The following UBE2V2 variants were observed in gnomAD, a reference collection of about 807,000 sequenced individuals.
The protein encoded by UBE2V2 is ubiquitin conjugating enzyme E2 V2, also known as ubiquitin-conjugating enzyme E2 variant 2.
A neutral mutation model predicts 17.2 loss-of-function variants in UBE2V2; 9 were observed. That is an observed-to-expected ratio of 0.52 (90% CI 0.32 to 0.91). UBE2V2 has a LOEUF of 0.91. Ranked by LOEUF, UBE2V2 falls within the 40% of genes least tolerant of loss-of-function variation. The pLI is 0.04. For synonymous variants in UBE2V2, 61 were observed against 57.5 expected (o/e 1.06, Z -0.28); for missense variants, 133 against 182.6 (o/e 0.73, Z 1.56).
the UBE2V2 span, among the ~76,000 whole-genome samples, chr8:47,997,659 G>A: frequency 6.6e-6 from 1 of 152,050 alleles, no homozygotes; most frequent in East Asian, 1.9e-4. Context: ...AGAGGGAAAA[G>A]GGGACGTGGA....
In UBE2V2 at chr8:48,064,327, C is replaced by G. The variant is rs996045187; in HGVS notation, c.*3499C>G. On this transcript the variant is annotated 3_prime_UTR_variant, in exon 4 of 4. Coordinates refer to ENST00000523111, the MANE Select transcript of UBE2V2 (RefSeq NM_003350.3). Reference sequence around the variant, plus strand: ...CTTGACTGGCTTTTAATTATTGTCACACACACACAAAATTCAACTCCTCAA... The same window carrying G: ...CTTGACTGGCTTTTAATTATTGTCAGACACACACAAAATTCAACTCCTCAA... 2 of 152,036 alleles carry G rather than the reference C, an allele frequency of 1.3e-5. No individual in the cohort carries two copies. Among genetic ancestry groups the G allele is most frequent in the African/African-American group, 4.8e-5 (2 of 41,386 alleles). The allele number at this position is 152,036 out of a possible 1,614,324, so 9.4% of individuals were successfully genotyped here.
At chr8:48,024,812 T>TA (rs900727124) in intron 1 of UBE2V2, among the ~76,000 whole-genome samples, 29 of 152,130 alleles carry the variant, frequency 1.9e-4, no homozygotes, top group Admixed American at 4.6e-4. Context: ...TTGAAATGAG[T>TA]AACAAAAATT....
At chr8:48,008,208 C>G (rs2091198322), upstream of UBE2V2, among the ~76,000 whole-genome samples, 1 of 152,214 alleles carries the variant, frequency 6.6e-6, no homozygotes, top group South Asian at 2.1e-4. Flanking sequence ...AGACGTGAGC[C>G]ACCGCGCCCG....
chr8:48,049,580 G>A (rs919895355), intron 2 of UBE2V2: 9 of 218,546 alleles, frequency 4.1e-5, no homozygotes, highest in Admixed American at 2.8e-4. Flanking sequence ...TATCACAAAA[G>A]CAACTTGGGA....
chr8:48,013,320 T>A (rs903205530), intron 1 of UBE2V2, among the ~76,000 whole-genome samples: 1 of 151,742 alleles, frequency 6.6e-6, no homozygotes, highest in Non-Finnish European at 1.5e-5. Flanking sequence ...CTTTTTTTTT[T>A]TTTTTGAGAT....
At chr8:48,041,194 CAG>C (rs1324375842) in intron 1 of UBE2V2, among the ~76,000 whole-genome samples, 2 of 135,654 alleles carry the variant, frequency 1.5e-5, no homozygotes, top group East Asian at 2.3e-4. Flanking sequence ...TTTTTTAAGA[CAG>C]AGTCTCGCTC....
At chr8:48,017,530 T>C (rs1016804889) in intron 1 of UBE2V2, among the ~76,000 whole-genome samples, 2 of 152,064 alleles carry the variant, frequency 1.3e-5, no homozygotes, top group Non-Finnish European at 2.9e-5. Context: ...TGTGCCACCA[T>C]GCACTGCTAA....
the UBE2V2 span, among the ~76,000 whole-genome samples, chr8:48,002,840 G>T: frequency 6.6e-6 from 1 of 152,134 alleles, no homozygotes; most frequent in African/African-American, 2.4e-5. Flanking sequence ...GATACGTATG[G>T]TAATGCATAT....
intron 3 of UBE2V2, among the ~76,000 whole-genome samples, chr8:48,060,152 GT>G (rs1198817289): frequency 1.4e-5 from 2 of 143,584 alleles, no homozygotes; most frequent in African/African-American, 5.3e-5. Flanking sequence ...GGAAGTTGCA[GT>G]GAGCCAGGAT....
intron 1 of UBE2V2, among the ~76,000 whole-genome samples, chr8:48,017,561 C>T (rs565521587): frequency 6.6e-5 from 10 of 151,920 alleles, no homozygotes; most frequent in East Asian, 1.9e-4. Context: ...TTAGTAGAGA[C>T]GGGATTTCTC....
chr8:48,049,725 A>T, intron 2 of UBE2V2, 128 bp from the exon 3 acceptor site: 1 of 789,864 alleles, frequency 1.3e-6, no homozygotes, highest in Non-Finnish European at 1.9e-6. Context: ...GTAGAAAAAT[A>T]AATTCTTAAT....
intron 1 of UBE2V2, among the ~76,000 whole-genome samples, chr8:48,017,832 G>A (rs2091280472): frequency 6.9e-6 from 1 of 144,278 alleles, no homozygotes; most frequent in African/African-American, 2.5e-5. Flanking sequence ...TTTTCTAGTA[G>A]TTTCATAGAT....
intron 1 of UBE2V2, among the ~76,000 whole-genome samples, chr8:48,025,903 G>T (rs1055777088): frequency 4.6e-5 from 7 of 152,056 alleles, no homozygotes; most frequent in Admixed American, 4.6e-4. Context: ...CCGGGCTCTG[G>T]ATTTTCTATC....
intron 3 of UBE2V2, among the ~76,000 whole-genome samples, chr8:48,051,588 G>A (rs2091538885): frequency 6.6e-6 from 1 of 152,102 alleles, no homozygotes. Flanking sequence ...TTTGTTCTAT[G>A]ATTCTTCCTT....
At chr8:48,028,716 C>T (rs1304565339) in intron 1 of UBE2V2, among the ~76,000 whole-genome samples, 2 of 152,094 alleles carry the variant, frequency 1.3e-5, no homozygotes, top group Non-Finnish European at 2.9e-5. Flanking sequence ...AAACTCCTGA[C>T]CTCAAGTGAT....
At chr8:48,026,311 C>T (rs1314582254) in intron 1 of UBE2V2, among the ~76,000 whole-genome samples, 1 of 152,144 alleles carries the variant, frequency 6.6e-6, no homozygotes, top group Non-Finnish European at 1.5e-5. Context: ...CCAGTTTCCT[C>T]TAGGATTTGA....
At position 48,028,338 on chromosome 8, in the gene UBE2V2, C is replaced by CTT. The variant is rs775995878; in HGVS notation, c.17-14679_17-14678dup. ...GTGTGCCACCACACCCGGCTGTTTT[C>CTT]TTTTTTTTTTTTTTTTTGAGACAGA... On this transcript the variant is annotated intron_variant, in intron 1 of 3. Transcript: ENST00000523111. Among the ~76,000 whole-genome samples the CTT allele has an allele frequency of 7.9e-5, 10 of 127,302 alleles. No homozygotes were observed. In the South Asian group the frequency reaches 1.1e-3, roughly 14 times the overall value. 83.5% of individuals were successfully genotyped at this position (127,302 alleles called of 152,430 possible).
chr8:48,048,543 A>C (rs547825472), intron 2 of UBE2V2, among the ~76,000 whole-genome samples: 6 of 152,314 alleles, frequency 3.9e-5, no homozygotes, highest in Non-Finnish European at 4.4e-5. Flanking sequence ...CATGAGATCT[A>C]TCTGATTTTA....
rs2091266385 is a variant in UBE2V2, at chr8:48,015,966, C to T, written c.16+7496C>T. ...AGGCTGGAGTGCAGTGGCGCGTTCT[C>T]AGCTCACTGCAACCTCCACCTCCTG... On this transcript the variant is annotated intron_variant, in intron 1 of 3. Coordinates refer to ENST00000523111, the MANE Select transcript of UBE2V2 (RefSeq NM_003350.3). Among the ~76,000 whole-genome samples the T allele has an allele frequency of 2.0e-5, 3 of 146,646 alleles. No homozygotes were observed. The Admixed American group carries it at 2.1e-4, about 10-fold the overall frequency.
Sources: allele counts gnomAD v4.1 joint callset (sites outside exome capture counted in the v4.1 genomes callset), GRCh38; gene constraint gnomAD v4.1.1; transcripts MANE v1.5; gene names NCBI Gene and HGNC (gene_info 2026-07-23, HGNC 2026-07-21).